Variants in CADM2 observed in about 807,000 individuals in gnomAD.
CADM2 encodes cell adhesion molecule 2, also known as immunoglobulin superfamily member 4D.
Under a neutral mutation model 49.8 loss-of-function variants are expected in CADM2, and 12 were observed. The ratio of observed to expected loss-of-function variants is 0.24; its 90% confidence interval spans 0.15 to 0.39. The LOEUF (loss-of-function observed/expected upper bound fraction) is 0.39. Ranked by LOEUF, CADM2 falls within the 10% of genes least tolerant of loss-of-function variation. The probability of loss-of-function intolerance (pLI) is 1.00; values close to 1 mark genes in which losing one functional copy is unlikely to be tolerated. For synonymous variants in CADM2, 214 were observed against 175.4 expected (o/e 1.22, Z -1.74); for missense variants, 378 against 492.3 (o/e 0.77, Z 2.20).
intron 1 of CADM2, among the ~76,000 whole-genome samples, chr3:85,590,970 T>C (rs1468385190): frequency 1.3e-5 from 2 of 151,888 alleles, no homozygotes; most frequent in African/African-American, 4.8e-5. Flanking sequence ...AATTGGTTGA[T>C]TGGTATTTTG....
intron 8 of CADM2, among the ~76,000 whole-genome samples, chr3:85,990,013 C>CA (rs58178176): frequency 0.044 from 424 of 9,626 alleles, 91 homozygotes; most frequent in Non-Finnish European, 0.076. Flanking sequence ...ACTCCATGTC[C>CA]AAAAAAAAAA....
chr3:85,982,188 G>A (rs896173693), intron 8 of CADM2, among the ~76,000 whole-genome samples: 10 of 151,426 alleles, frequency 6.6e-5, no homozygotes, highest in African/African-American at 2.4e-4. Flanking sequence ...CTTTGTCACT[G>A]AACTAAAATC....
chr3:85,959,013 A>G (rs6766354), intron 7 of CADM2, among the ~76,000 whole-genome samples: 33,532 of 151,276 alleles, frequency 0.22, 4,219 homozygotes, highest in African/African-American at 0.34. Flanking sequence ...GTTTCGTGGA[A>G]CTTAAATTAA....
intron 2 of CADM2, among the ~76,000 whole-genome samples, chr3:85,785,289 T>G (rs2070915933): frequency 6.6e-6 from 1 of 152,136 alleles, no homozygotes; most frequent in Non-Finnish European, 1.5e-5. Context: ...GCTCCGATCT[T>G]TATTATTTCT....
rs147624409 is a variant in CADM2 at position 86,041,401 on chromosome 3, T to A, written c.971-24204T>A. On this transcript the variant is annotated intron_variant, in intron 8 of 9. Transcript: ENST00000383699. ...GATGGAGGAAGATCTACGAAGCAAATGGAAAACAAAAAAAGGCAGGGGTTG... is the reference window on the plus strand; with the variant it reads ...GATGGAGGAAGATCTACGAAGCAAAAGGAAAACAAAAAAAGGCAGGGGTTG... Among the ~76,000 whole-genome samples, 117 of 151,700 alleles carry A rather than the reference T, an allele frequency of 7.7e-4. No individual in the cohort carries two copies. In the East Asian group the frequency reaches 0.017, roughly 22 times the overall value.
chr3:85,022,240 A>G (rs1380666249), intron 1 of CADM2, among the ~76,000 whole-genome samples: 2 of 152,176 alleles, frequency 1.3e-5, no homozygotes, highest in Non-Finnish European at 2.9e-5. Flanking sequence ...CCATATGCAA[A>G]TGTTCTAAGC....
chr3:85,942,056 C>A (rs1318884139), intron 7 of CADM2, among the ~76,000 whole-genome samples: 1 of 152,080 alleles, frequency 6.6e-6, no homozygotes, highest in Admixed American at 6.6e-5. Flanking sequence ...ATTGGGATTA[C>A]AAACAAGTTT....
chr3:85,336,785 T>C (rs1290939284), intron 1 of CADM2, among the ~76,000 whole-genome samples: 1 of 149,396 alleles, frequency 6.7e-6, no homozygotes, highest in Non-Finnish European at 1.5e-5. Context: ...TTCTCAATCA[T>C]TTCTTTCCAT....
At chr3:85,758,200 C>T (rs993815421) in intron 2 of CADM2, among the ~76,000 whole-genome samples, 3 of 152,018 alleles carry the variant, frequency 2.0e-5, no homozygotes, top group African/African-American at 7.2e-5. Context: ...AGGAGCACAA[C>T]AGAGCAGCTT....
intron 3 of CADM2, among the ~76,000 whole-genome samples, chr3:85,867,200 C>G (rs1018880617): frequency 4.6e-5 from 7 of 152,134 alleles, no homozygotes; most frequent in African/African-American, 1.4e-4. Context: ...GTGTCTATGT[C>G]TACTTGCCGT....
intron 8 of CADM2, among the ~76,000 whole-genome samples, chr3:86,005,215 A>C (rs1356340876): frequency 6.6e-6 from 1 of 152,292 alleles, no homozygotes; most frequent in Middle Eastern, 3.4e-3. Context: ...TTCAGTAAAA[A>C]ATCATGTAAT....
At chr3:85,204,517 CCTCA>C (rs1300539431) in intron 1 of CADM2, among the ~76,000 whole-genome samples, 2 of 152,048 alleles carry the variant, frequency 1.3e-5, no homozygotes, top group Non-Finnish European at 2.9e-5. Flanking sequence ...GTTGCTTGTT[CCTCA>C]CTATTACTTA....
At chr3:85,059,972 A>G (rs771382605) in intron 1 of CADM2, among the ~76,000 whole-genome samples, 6 of 150,512 alleles carry the variant, frequency 4.0e-5, no homozygotes, top group Non-Finnish European at 7.3e-5. Flanking sequence ...AGGAGAGCCA[A>G]GGATAAAAGT....
chr3:85,491,617 T>G (rs1476193228), intron 1 of CADM2, among the ~76,000 whole-genome samples: 1 of 152,096 alleles, frequency 6.6e-6, no homozygotes, highest in Non-Finnish European at 1.5e-5. Flanking sequence ...TTCCCGGAAA[T>G]GTACCACTGT....
chr3:85,294,201 A>G (rs2043887217), intron 1 of CADM2, among the ~76,000 whole-genome samples: 1 of 152,198 alleles, frequency 6.6e-6, no homozygotes, highest in African/African-American at 2.4e-5. Flanking sequence ...TGCTTCAAAG[A>G]CAATAAAATA....
At chr3:85,709,115 A>G (rs759923558) in intron 1 of CADM2, among the ~76,000 whole-genome samples, 3 of 152,152 alleles carry the variant, frequency 2.0e-5, no homozygotes, top group Non-Finnish European at 4.4e-5. Context: ...CAAATAACTC[A>G]GATCTCTAAA....
At chr3:85,356,270 C>T (rs967195848) in intron 1 of CADM2, among the ~76,000 whole-genome samples, 2 of 151,776 alleles carry the variant, frequency 1.3e-5, no homozygotes, top group African/African-American at 4.8e-5. Flanking sequence ...ATTCTACCAT[C>T]AATCTTGAGG....
chr3:85,767,644 T>C (rs1279655880), intron 2 of CADM2, among the ~76,000 whole-genome samples: 1 of 152,176 alleles, frequency 6.6e-6, no homozygotes, highest in East Asian at 1.9e-4. Flanking sequence ...AACCACGACC[T>C]TCTGGCACTT....
At chr3:85,728,933 T>A (rs1254793521) in intron 2 of CADM2, among the ~76,000 whole-genome samples, 1 of 152,136 alleles carries the variant, frequency 6.6e-6, no homozygotes, top group East Asian at 1.9e-4. Flanking sequence ...TTACACCTTC[T>A]TTTTTTAAAT....
Sources: gnomAD v4.1 joint callset for allele counts (sites outside exome capture counted in the v4.1 genomes callset) on GRCh38, gnomAD v4.1.1 for gene constraint, MANE v1.5 for transcripts, NCBI Gene and HGNC (gene_info 2026-07-23, HGNC 2026-07-21) for gene names.